COLEC10: variants seen among roughly 807,000 people sequenced by gnomAD.
The protein encoded by COLEC10 is collectin subfamily member 10.
In COLEC10, 22 loss-of-function variants were observed where a neutral mutation model predicts 28.4. The ratio of observed to expected loss-of-function variants is 0.78; its 90% confidence interval spans 0.55 to 1.11. The LOEUF (loss-of-function observed/expected upper bound fraction) is 1.11, where lower values mean the gene tolerates loss of function less well. Ranked by LOEUF, COLEC10 falls within the 50% of genes least tolerant of loss-of-function variation. The pLI is 0.00. For synonymous variants in COLEC10, 125 were observed against 116.1 expected (o/e 1.08, Z -0.49); for missense variants, 361 against 344.1 (o/e 1.05, Z -0.39).
the COLEC10 span, among the ~76,000 whole-genome samples, chr8:118,969,798 CTAAA>C: frequency 6.6e-6 from 1 of 151,006 alleles, no homozygotes; most frequent in African/African-American, 2.4e-5. Context: ...AGCAAATTAT[CTAAA>C]TAATCAGTTA....
Position 119,091,223 on chromosome 8 carries a change from A to T in COLEC10, c.292+3A>T, listed in dbSNP as rs1815586116. 6.2e-7 allele frequency: 1 copy of T among 1,609,554 alleles called. No individual in the cohort carries two copies. The highest frequency in any genetic ancestry group is 8.5e-7 in the Non-Finnish European group (1 of 1,176,498). On this transcript the variant is annotated splice_donor_region_variant and intron_variant, in intron 3 of 5. Transcript: ENST00000332843. The stretch of plus-strand genomic sequence containing the variant: ...GACTGGGCCCATTGGGAAGAAGGGT[A>T]AGTTGCATCTTACTATTCTCCAGTA...
At chr8:119,000,167 A>T (rs1189213161) in intron 1 of COLEC10, among the ~76,000 whole-genome samples, 2 of 152,190 alleles carry the variant, frequency 1.3e-5, no homozygotes, top group Non-Finnish European at 2.9e-5. Flanking sequence ...GCAGATTCAG[A>T]TAAAAGGAGG....
At chr8:118,987,714 A>G in the COLEC10 span, among the ~76,000 whole-genome samples, 1 of 152,178 alleles carries the variant, frequency 6.6e-6, no homozygotes, top group Non-Finnish European at 1.5e-5. Context: ...TGAATGGCAG[A>G]ATAAAGATAG....
the COLEC10 span, among the ~76,000 whole-genome samples, chr8:118,966,648 A>G: frequency 2.0e-5 from 3 of 151,734 alleles, no homozygotes; most frequent in East Asian, 5.8e-4. Flanking sequence ...ATTAATTCCC[A>G]CTGCTCTTTC....
chr8:119,096,678 G>T (rs934832003), intron 3 of COLEC10, among the ~76,000 whole-genome samples: 1 of 152,000 alleles, frequency 6.6e-6, no homozygotes, highest in African/African-American at 2.4e-5. Context: ...AATTGGCTAT[G>T]TGCTACCTTT....
chr8:119,011,433 C>T (rs1813898922), intron 2 of COLEC10, among the ~76,000 whole-genome samples: 1 of 150,578 alleles, frequency 6.6e-6, no homozygotes, highest in African/African-American at 2.5e-5. Context: ...ATTCTGCTTT[C>T]CTTCAATATT....
At chr8:119,054,503 A>T (rs1028770857) in intron 2 of COLEC10, among the ~76,000 whole-genome samples, 2 of 152,114 alleles carry the variant, frequency 1.3e-5, no homozygotes, top group African/African-American at 2.4e-5. Context: ...CTTAGCAGAG[A>T]TGCCGTGGGG....
At chr8:119,091,480 A>G (rs561721969) in intron 3 of COLEC10, among the ~76,000 whole-genome samples, 4 of 151,740 alleles carry the variant, frequency 2.6e-5, no homozygotes, top group Non-Finnish European at 2.9e-5. Flanking sequence ...GTTTGAGCCC[A>G]TAAGTTTGAG....
At chr8:119,063,413 G>A (rs985504389), upstream of COLEC10, among the ~76,000 whole-genome samples, 1 of 152,194 alleles carries the variant, frequency 6.6e-6, no homozygotes, top group Non-Finnish European at 1.5e-5. Context: ...GGCTGTAGGG[G>A]AGAAGCACTC....
the COLEC10 span, among the ~76,000 whole-genome samples, chr8:118,968,817 A>G: frequency 2.0e-5 from 3 of 151,152 alleles, no homozygotes; most frequent in African/African-American, 7.3e-5. Flanking sequence ...TTCCCCTCCC[A>G]GTGTCCATGT....
chr8:119,002,709 A>G (rs1813723995), intron 1 of COLEC10, among the ~76,000 whole-genome samples: 1 of 152,170 alleles, frequency 6.6e-6, no homozygotes, highest in Non-Finnish European at 1.5e-5. Context: ...ATTGTTTTAC[A>G]AAAGAATCTA....
chr8:119,053,417 T>C (rs1242589269), intron 2 of COLEC10, among the ~76,000 whole-genome samples: 1 of 152,122 alleles, frequency 6.6e-6, no homozygotes, highest in Non-Finnish European at 1.5e-5. Context: ...TTATTACTCC[T>C]CAAAGCAGGA....
chr8:118,984,663 G>A, the COLEC10 span, among the ~76,000 whole-genome samples: 1 of 152,078 alleles, frequency 6.6e-6, no homozygotes, highest in African/African-American at 2.4e-5. Context: ...GGACTGATGT[G>A]TCTATAAGCC....
chr8:119,097,469 G>A lies in COLEC10; in HGVS notation c.293-4879G>A, dbSNP rs11997911. Among the ~76,000 whole-genome samples the A allele has an allele frequency of 3.5e-3, 537 of 152,018 alleles. 11 individuals are homozygous for A. The highest frequency in any genetic ancestry group is 0.012 in the African/African-American group (514 of 41,502). On this transcript the variant is annotated intron_variant, in intron 3 of 5. Coordinates refer to ENST00000332843, the MANE Select transcript of COLEC10 (RefSeq NM_006438.5). Reference sequence around the variant, plus strand: ...AAGGCACAATAATTCATTCATTGACGAAAATATTATAATGTTTAGTGAATT... The same window carrying A: ...AAGGCACAATAATTCATTCATTGACAAAAATATTATAATGTTTAGTGAATT...
intron 1 of COLEC10, among the ~76,000 whole-genome samples, chr8:119,080,800 C>CTT (rs1459499282): frequency 6.6e-6 from 1 of 152,064 alleles, no homozygotes; most frequent in Non-Finnish European, 1.5e-5. Context: ...AGTATTAATA[C>CTT]TTTTCTCTAA....
intron 1 of COLEC10, among the ~76,000 whole-genome samples, chr8:119,081,429 G>C (rs1440064098): frequency 2.0e-5 from 3 of 151,664 alleles, no homozygotes; most frequent in African/African-American, 7.3e-5. Context: ...AATTTTTTAT[G>C]CCTTAGTGTT....
At chr8:119,033,969 T>C (rs1814339813) in intron 2 of COLEC10, among the ~76,000 whole-genome samples, 1 of 152,146 alleles carries the variant, frequency 6.6e-6, no homozygotes, top group African/African-American at 2.4e-5. Context: ...CTGTTCACAA[T>C]AGCAAAGACT....
At chr8:119,034,736 T>C (rs1376878001) in intron 2 of COLEC10, among the ~76,000 whole-genome samples, 1 of 152,130 alleles carries the variant, frequency 6.6e-6, no homozygotes, top group Non-Finnish European at 1.5e-5. Context: ...ATGATGTTAG[T>C]CTTACTCTTG....
chr8:118,960,785 G>GAAAA, the COLEC10 span, among the ~76,000 whole-genome samples: 11 of 72,548 alleles, frequency 1.5e-4, 1 homozygote, highest in African/African-American at 5.1e-4. Flanking sequence ...GAGACTCTGT[G>GAAAA]AAAAAAAAAA....
Sources: gnomAD v4.1 joint callset for allele counts (sites outside exome capture counted in the v4.1 genomes callset) on GRCh38, gnomAD v4.1.1 for gene constraint, MANE v1.5 for transcripts, NCBI Gene and HGNC (gene_info 2026-07-23, HGNC 2026-07-21) for gene names.